DIAPH2: variants seen among roughly 807,000 people sequenced by gnomAD.
DIAPH2 encodes the protein diaphanous related formin 2.
DIAPH2 carries 35 observed loss-of-function variants against 92.7 expected under a neutral mutation model. The observed-to-expected ratio is 0.38, with a 90% confidence interval of 0.29 to 0.50. The LOEUF is 0.50. DIAPH2 is among the 20% of genes least tolerant of loss of function. The pLI is 0.94. For missense variants in DIAPH2, 701 were observed against 819.5 expected (o/e 0.86, Z 1.77); for synonymous variants, 301 against 280.4 (o/e 1.07, Z -0.73).
chrX:97,066,541 T>G (rs147259788), intron 17 of DIAPH2, among the ~76,000 whole-genome samples: 1,963 of 111,947 alleles, frequency 0.018, 28 homozygotes, highest in Non-Finnish European at 0.025. Context: ...TGTACTACTT[T>G]GAGGTAAAGA....
intron 22 of DIAPH2, among the ~76,000 whole-genome samples, chrX:97,181,951 C>CT (rs758452101): frequency 2.7e-5 from 3 of 112,119 alleles, no homozygotes; most frequent in Non-Finnish European, 3.8e-5. Flanking sequence ...TTTAAGTACT[C>CT]TTTTAAGGCC....
intron 26 of DIAPH2, among the ~76,000 whole-genome samples, chrX:97,552,957 C>A (rs1298221632): frequency 1.8e-5 from 2 of 111,391 alleles, no homozygotes; most frequent in African/African-American, 6.5e-5. Flanking sequence ...GTGACTATCC[C>A]TCTGTCTCTA....
Position 96,992,185 on chromosome X carries a change from C to G in DIAPH2, c.2050+26978C>G, listed in dbSNP as rs141384178. ...GATATGCATACTGCTAGACCACTCTCTAGCCTGAAATGTTAATATGATGAT... is the reference window on the plus strand; with the variant it reads ...GATATGCATACTGCTAGACCACTCTGTAGCCTGAAATGTTAATATGATGAT... On this transcript the variant is annotated intron_variant, in intron 17 of 26. Transcript: ENST00000324765. Among the ~76,000 whole-genome samples the G allele has an allele frequency of 5.9e-3, 652 of 111,033 alleles. 6 individuals are homozygous for G. The highest frequency in any genetic ancestry group is 0.021 in the African/African-American group (633 of 30,540).
chrX:96,896,545 T>C (rs1255813421), intron 5 of DIAPH2, among the ~76,000 whole-genome samples: 2 of 112,166 alleles, frequency 1.8e-5, no homozygotes, highest in Non-Finnish European at 3.8e-5. Flanking sequence ...GTGAGTTCTT[T>C]CATGGAGGTT....
At position 97,063,453 on chromosome X, in the gene DIAPH2, T is replaced by C. The variant is rs2066614098; in HGVS notation, c.2051-9488T>C. Among the ~76,000 whole-genome samples the C allele has an allele frequency of 4.5e-5, 5 of 111,894 alleles. No homozygotes were observed. The South Asian group carries it at 1.1e-3, about 25-fold the overall frequency. On this transcript the variant is annotated intron_variant, in intron 17 of 26. Transcript: ENST00000324765. ...CTTATGAGCTCTCATTCAACCCCAA[T>C]AAGGATGGGATGGTAGAAACTAATT...
intron 25 of DIAPH2, among the ~76,000 whole-genome samples, chrX:97,385,048 G>A (rs1358225311): frequency 9.1e-6 from 1 of 110,126 alleles, no homozygotes; most frequent in Non-Finnish European, 1.9e-5. Context: ...AATAAAAAAA[G>A]CATGCATAGT....
intron 25 of DIAPH2, among the ~76,000 whole-genome samples, chrX:97,403,199 T>G (rs141939196): frequency 3.6e-4 from 40 of 112,183 alleles, no homozygotes; most frequent in African/African-American, 1.3e-3. Context: ...AAATGAATGT[T>G]TTGACTTGAA....
intron 4 of DIAPH2, among the ~76,000 whole-genome samples, chrX:96,847,910 T>A (rs2064982215): frequency 8.9e-6 from 1 of 111,881 alleles, no homozygotes; most frequent in Admixed American, 9.5e-5. Flanking sequence ...ATCCCGTTTA[T>A]CTTGTTGATA....
At position 96,957,096 on chromosome X, in the gene DIAPH2, C is replaced by T. The variant is rs142825394; in HGVS notation, c.1615-732C>T. ...AGTGCAGTGGCGTGAGCTCAGCTCA[C>T]TGCAACCTCTGCCTCCTGGGTTAAA... On this transcript the variant is annotated intron_variant, in intron 15 of 26. Coordinates refer to ENST00000324765, the MANE Select transcript of DIAPH2 (RefSeq NM_006729.5). Among the ~76,000 whole-genome samples, 70 of 112,641 alleles carry T rather than the reference C, an allele frequency of 6.2e-4. 2 individuals are homozygous for T. In the East Asian group the frequency reaches 0.017, roughly 27 times the overall value.
chrX:97,338,019 T>G (rs1447393515), intron 23 of DIAPH2, among the ~76,000 whole-genome samples: 3 of 109,421 alleles, frequency 2.7e-5, no homozygotes, highest in Non-Finnish European at 3.8e-5. Flanking sequence ...ATGACAGGTG[T>G]GCGCCACCAC....
At chrX:97,137,297 A>ATATG in intron 21 of DIAPH2, among the ~76,000 whole-genome samples, 1 of 97,807 alleles carries the variant, frequency 1.0e-5, no homozygotes, top group South Asian at 4.9e-4. Flanking sequence ...ATATATATAT[A>ATATG]TATATGTATA....
At chrX:96,986,808 A>G (rs1352560763) in intron 17 of DIAPH2, among the ~76,000 whole-genome samples, 1 of 111,186 alleles carries the variant, frequency 9.0e-6, no homozygotes, top group Non-Finnish European at 1.9e-5. Flanking sequence ...AAAATACACA[A>G]TACTTTGATG....
intron 19 of DIAPH2, among the ~76,000 whole-genome samples, chrX:97,092,871 C>G (rs2066836092): frequency 9.0e-6 from 1 of 110,980 alleles, no homozygotes; most frequent in Admixed American, 9.6e-5. Context: ...ATATATCTGT[C>G]AACCTATTTT....
At chrX:96,829,985 A>G (rs685712) in intron 4 of DIAPH2, among the ~76,000 whole-genome samples, 44,678 of 108,043 alleles carry the variant, frequency 0.41, 8,180 homozygotes, top group African/African-American at 0.7. Context: ...ACGGAAGTGC[A>G]CTGAAGGGGA....
intron 23 of DIAPH2, among the ~76,000 whole-genome samples, chrX:97,258,457 C>T (rs2068257016): frequency 9.0e-6 from 1 of 110,945 alleles, no homozygotes. Context: ...CCTGTAGTCC[C>T]AGCTACTCGG....
intron 17 of DIAPH2, among the ~76,000 whole-genome samples, chrX:96,999,401 T>A (rs1304085063): frequency 2.9e-5 from 3 of 102,761 alleles, no homozygotes; most frequent in Non-Finnish European, 3.9e-5. Context: ...CTCGGGAGGC[T>A]GAGGCAGGAG....
chrX:97,031,153 A>G (rs967534529), intron 17 of DIAPH2, among the ~76,000 whole-genome samples: 14 of 110,671 alleles, frequency 1.3e-4, no homozygotes, highest in Non-Finnish European at 2.3e-4. Flanking sequence ...GTGTTAGCTG[A>G]AGTCATACTA....
chrX:97,007,530 G>T (rs1390228155), intron 17 of DIAPH2, among the ~76,000 whole-genome samples: 1 of 109,985 alleles, frequency 9.1e-6, no homozygotes, highest in Non-Finnish European at 1.9e-5. Context: ...TGTGCTGCCC[G>T]ATTTATGGGA....
At chrX:97,402,074 C>T (rs1307433365) in intron 25 of DIAPH2, among the ~76,000 whole-genome samples, 1 of 112,167 alleles carries the variant, frequency 8.9e-6, no homozygotes, top group Non-Finnish European at 1.9e-5. Flanking sequence ...GCATTGGACT[C>T]TTTACAGGGA....
Sources: gnomAD v4.1 joint callset for allele counts (sites outside exome capture counted in the v4.1 genomes callset) on GRCh38, gnomAD v4.1.1 for gene constraint, MANE v1.5 for transcripts, NCBI Gene and HGNC (gene_info 2026-07-23, HGNC 2026-07-21) for gene names.